PIN4: variants seen among roughly 807,000 people sequenced by gnomAD.
PIN4 encodes peptidylprolyl cis/trans isomerase, NIMA-interacting 4, also known as peptidyl-prolyl cis-trans isomerase NIMA-interacting 4.
PIN4 carries 3 observed loss-of-function variants against 8.3 expected under a neutral mutation model. The observed-to-expected ratio is 0.36, with a 90% CI of 0.16 to 0.93. The LOEUF (loss-of-function observed/expected upper bound fraction) is 0.93, where lower values mean the gene tolerates loss of function less well. PIN4 is among the 40% of genes least tolerant of loss of function. The pLI is 0.44. For missense variants in PIN4, 75 were observed against 100.6 expected, an observed-to-expected ratio of 0.75 and a Z score of 1.09; for synonymous variants, 18 against 32.5, an observed-to-expected ratio of 0.55 and a Z score of 1.52.
chrX:72,239,157 G>A (rs973807789), intron 3 of PIN4: 4 of 383,267 alleles, frequency 1.0e-5, no homozygotes, highest in East Asian at 4.2e-5. Context: ...ACGCGCGCCG[G>A]GAAGCAGAAG....
intron 3 of PIN4, among the ~76,000 whole-genome samples, chrX:72,249,859 T>A (rs1028961304): frequency 2.7e-5 from 3 of 111,399 alleles, no homozygotes; most frequent in Admixed American, 9.6e-5. Flanking sequence ...TTCACTGAAC[T>A]ATACATTTAA....
At chrX:72,261,296 G>GAAAAAA (rs754002557) in intron 3 of PIN4, among the ~76,000 whole-genome samples, 1 of 46,030 alleles carries the variant, frequency 2.2e-5, no homozygotes, top group Non-Finnish European at 4.2e-5. Context: ...CTCCGTCTCA[G>GAAAAAA]AAAAAAAAAA....
intron 3 of PIN4, among the ~76,000 whole-genome samples, chrX:72,212,275 A>AAT (rs2042860136): frequency 9.1e-6 from 1 of 109,556 alleles, no homozygotes; most frequent in African/African-American, 3.3e-5. Flanking sequence ...ATCTCAAAAA[A>AAT]AATAATAATA....
chrX:72,232,286 A>G (rs2042988340), intron 3 of PIN4, among the ~76,000 whole-genome samples: 1 of 102,810 alleles, frequency 9.7e-6, no homozygotes, highest in East Asian at 3.1e-4. Context: ...AAAAAAAAAA[A>G]AAAAAAAAAA....
intron 3 of PIN4, among the ~76,000 whole-genome samples, chrX:72,252,391 C>CTT (rs773854414): frequency 2.0e-5 from 2 of 102,335 alleles, no homozygotes; most frequent in African/African-American, 7.1e-5. Flanking sequence ...CTTTTCTTTT[C>CTT]TTTTTTTTTT....
At chrX:72,242,829 C>T (rs1413379112) in intron 3 of PIN4, among the ~76,000 whole-genome samples, 2 of 111,427 alleles carry the variant, frequency 1.8e-5, no homozygotes, top group African/African-American at 3.3e-5. Context: ...GCCTGACCAA[C>T]ATGGTGAAAC....
At chrX:72,262,754 C>T in exon 4 of PIN4, 2 of 1,147,851 alleles carry the variant, frequency 1.7e-6, no homozygotes, top group Non-Finnish European at 2.3e-6. Flanking sequence ...ACCTGAGAAG[C>T]ACCCTCATCT....
chrX:72,253,095 C>G (rs1299990144), intron 3 of PIN4, among the ~76,000 whole-genome samples: 1 of 111,616 alleles, frequency 9.0e-6, no homozygotes, highest in Non-Finnish European at 1.9e-5. Flanking sequence ...TTTTCCCCAG[C>G]TCTACAAACG....
chrX:72,261,548 C>T (rs1345262081), intron 3 of PIN4, among the ~76,000 whole-genome samples: 2 of 111,549 alleles, frequency 1.8e-5, no homozygotes, highest in African/African-American at 6.5e-5. Flanking sequence ...TCAACTTTCT[C>T]ATTTGCAAAG....
At chrX:72,218,286 T>A (rs1328857686) in intron 3 of PIN4, among the ~76,000 whole-genome samples, 2 of 104,814 alleles carry the variant, frequency 1.9e-5, no homozygotes, top group Non-Finnish European at 3.9e-5. Flanking sequence ...AAAAAAAAAA[T>A]TAATAATAGA....
At chrX:72,193,257 T>TCAGA (rs2042745439) in intron 2 of PIN4, among the ~76,000 whole-genome samples, 1 of 111,293 alleles carries the variant, frequency 9.0e-6, no homozygotes, top group Non-Finnish European at 1.9e-5. Context: ...AGGAATTGTA[T>TCAGA]CAGACAATCA....
chrX:72,233,913 G>A (rs1257689661), intron 3 of PIN4, among the ~76,000 whole-genome samples: 3 of 105,676 alleles, frequency 2.8e-5, no homozygotes, highest in Middle Eastern at 5.4e-3. Context: ...CCAGGAGTTT[G>A]AGGCCAGCCT....
intron 3 of PIN4, among the ~76,000 whole-genome samples, chrX:72,250,891 C>G (rs766662343): frequency 3.3e-4 from 35 of 107,498 alleles, no homozygotes; most frequent in African/African-American, 1.1e-3. Context: ...AGGTGCCCAC[C>G]ACCACGCCTG....
At chrX:72,217,049 G>A (rs2042890675) in intron 3 of PIN4, among the ~76,000 whole-genome samples, 1 of 112,231 alleles carries the variant, frequency 8.9e-6, no homozygotes, top group Non-Finnish European at 1.9e-5. Flanking sequence ...GATAATTTTG[G>A]TTTTGGCATA....
Position 72,198,269 on chromosome X carries a change from G to T in PIN4, c.*743G>T, listed in dbSNP as rs1305101967. The stretch of plus-strand genomic sequence containing the variant: ...TTAAAATTTAAAATGCCATATTTAT[G>T]ACATATAAAAAAGTATAAAGATTAC... On this transcript the variant is annotated 3_prime_UTR_variant, in exon 4 of 4. Coordinates refer to ENST00000373669, the MANE Select transcript of PIN4 (RefSeq NM_006223.4). 1.4e-6 allele frequency: 1 copy of T among 711,517 alleles called. No individual in the cohort carries two copies. Among genetic ancestry groups the T allele is most frequent in the African/African-American group, 2.3e-5 (1 of 42,630 alleles). 58.6% of individuals were successfully genotyped at this position (711,517 alleles called of 1,213,427 possible).
intron 3 of PIN4, among the ~76,000 whole-genome samples, chrX:72,259,725 T>C (rs932227457): frequency 1.6e-5 from 1 of 64,426 alleles, no homozygotes; most frequent in Non-Finnish European, 2.7e-5. Context: ...GGCCATATCC[T>C]TTTTTTTTTT....
At chrX:72,240,180 A>T (rs1412748452) in intron 3 of PIN4, among the ~76,000 whole-genome samples, 3 of 111,690 alleles carry the variant, frequency 2.7e-5, no homozygotes, top group South Asian at 3.7e-4. Flanking sequence ...AAATAATTTA[A>T]AAAAAAAGAA....
In PIN4 at chrX:72,186,241, A is replaced by G. The variant is rs773336879; in HGVS notation, c.44-220A>G. On this transcript the variant is annotated intron_variant, in intron 1 of 3. Transcript: ENST00000373669. Reference sequence around the variant, plus strand: ...GATTTTTTTTTTTTTTAGCTTGTCAACTATCATTAGTGTTAGCGTATTTTG... The same window carrying G: ...GATTTTTTTTTTTTTTAGCTTGTCAGCTATCATTAGTGTTAGCGTATTTTG... The G allele has an allele frequency of 1.6e-4, 71 of 440,458 alleles. No individual in the cohort carries two copies. In the South Asian group the frequency reaches 1.9e-3, roughly 12 times the overall value. 36.3% of individuals were successfully genotyped at this position (440,458 alleles called of 1,213,427 possible).
chrX:72,243,275 A>G (rs1213963269), intron 3 of PIN4, among the ~76,000 whole-genome samples: 1 of 112,245 alleles, frequency 8.9e-6, no homozygotes, highest in Non-Finnish European at 1.9e-5. Flanking sequence ...AGATCATGCC[A>G]TTGCACTCCA....
Sources: gnomAD v4.1 joint callset for allele counts (sites outside exome capture counted in the v4.1 genomes callset) on GRCh38, gnomAD v4.1.1 for gene constraint, MANE v1.5 for transcripts, NCBI Gene and HGNC (gene_info 2026-07-23, HGNC 2026-07-21) for gene names.